Variants in PTPRN2 observed in about 807,000 individuals in gnomAD.
PTPRN2 encodes protein tyrosine phosphatase receptor type N2.
In PTPRN2, 74 loss-of-function variants were observed where a neutral mutation model predicts 118.8. The observed-to-expected ratio is 0.62, with a 90% CI of 0.52 to 0.76. PTPRN2 has a LOEUF of 0.76. Among genes scored for constraint, PTPRN2 ranks in the 30% least tolerant of loss-of-function variants. PTPRN2 has a pLI of 0.00. For synonymous variants in PTPRN2, 641 were observed against 608.0 expected (o/e 1.05, Z -0.80); for missense variants, 1,481 against 1,394.4 (o/e 1.06, Z -0.99).
At chr7:158,300,107 C>T (rs1800779031) in intron 3 of PTPRN2, among the ~76,000 whole-genome samples, 1 of 152,124 alleles carries the variant, frequency 6.6e-6, no homozygotes, top group African/African-American at 2.4e-5. Context: ...CAATTTATGT[C>T]ACTTTGAACC....
rs1814418521 is a variant in PTPRN2, at chr7:158,093,940, T to C, written c.1644-12563A>G. 6.6e-6 allele frequency among the ~76,000 whole-genome samples: 1 copy of C among 152,246 alleles called. No homozygotes were observed. Among genetic ancestry groups the C allele is most frequent in the Non-Finnish European group, 1.5e-5 (1 of 68,048 alleles). Reference sequence around the variant, plus strand: ...ACATAATTATTAATGATGCTTTATTTTCTTAAAGCATTGAGCAACTGCATC... The same window carrying C: ...ACATAATTATTAATGATGCTTTATTCTCTTAAAGCATTGAGCAACTGCATC... On this transcript the variant is annotated intron_variant, in intron 10 of 22. Coordinates refer to ENST00000389418, the MANE Select transcript of PTPRN2 (RefSeq NM_002847.5). This position sits in a 1 kb window ranked among gnomAD's most constrained non-coding sequence, Gnocchi z 4.4.
At chr7:157,967,234 TAGG>T (rs1225652501) in intron 11 of PTPRN2, among the ~76,000 whole-genome samples, 1 of 152,110 alleles carries the variant, frequency 6.6e-6, no homozygotes, top group East Asian at 1.9e-4. Flanking sequence ...CCCTTAAGCC[TAGG>T]AGGTCGAGGC....
At chr7:158,144,380 G>A (rs552011647) in intron 6 of PTPRN2, among the ~76,000 whole-genome samples, 13 of 152,174 alleles carry the variant, frequency 8.5e-5, no homozygotes, top group Non-Finnish European at 1.8e-4. Flanking sequence ...GCTCACACCC[G>A]TAATCCCAGC....
At chr7:158,241,199 T>A (rs548029690) in intron 3 of PTPRN2, among the ~76,000 whole-genome samples, 1 of 152,328 alleles carries the variant, frequency 6.6e-6, no homozygotes, top group East Asian at 1.9e-4. Context: ...CATAACATAT[T>A]TGCTGACGGA....
intron 11 of PTPRN2, among the ~76,000 whole-genome samples, chr7:158,001,943 G>A (rs550652598): frequency 1.1e-4 from 17 of 152,208 alleles, no homozygotes; most frequent in Non-Finnish European, 2.2e-4. Flanking sequence ...TCCTCCAGCC[G>A]GAAGCTGGCC....
chr7:157,935,788 A>AG (rs1300819839), intron 11 of PTPRN2, among the ~76,000 whole-genome samples: 9 of 150,986 alleles, frequency 6.0e-5, no homozygotes, highest in Admixed American at 3.9e-4. Context: ...TCACTCCCTC[A>AG]GGGGGGTCTA....
At chr7:158,012,565 T>A (rs1806128919) in intron 11 of PTPRN2, among the ~76,000 whole-genome samples, 1 of 152,236 alleles carries the variant, frequency 6.6e-6, no homozygotes, top group East Asian at 1.9e-4. Context: ...CTGCCTCTGC[T>A]GGCACCAGCT....
chr7:158,115,083 C>A (rs1248039877), intron 9 of PTPRN2, among the ~76,000 whole-genome samples: 1 of 152,204 alleles, frequency 6.6e-6, no homozygotes, highest in Non-Finnish European at 1.5e-5. Flanking sequence ...GCCAAGATCA[C>A]TGGAGTCCAG....
At chr7:157,558,519 G>A (rs565108565) in intron 21 of PTPRN2, among the ~76,000 whole-genome samples, 9 of 152,364 alleles carry the variant, frequency 5.9e-5, no homozygotes, top group Admixed American at 3.3e-4. Flanking sequence ...ACACCAAATT[G>A]TGAATATTGA....
chr7:157,686,041 G>A (rs1171412151), intron 12 of PTPRN2, among the ~76,000 whole-genome samples: 3 of 152,228 alleles, frequency 2.0e-5, no homozygotes, highest in East Asian at 1.9e-4. Context: ...GGACAGCCGG[G>A]GAGTCGTGAC....
intron 2 of PTPRN2, among the ~76,000 whole-genome samples, chr7:158,431,408 GCT>G (rs1816168603): frequency 6.9e-6 from 1 of 143,958 alleles, no homozygotes; most frequent in African/African-American, 2.6e-5. Flanking sequence ...GCACACAATG[GCT>G]CACACTGGGC....
chr7:157,780,383 GGT>G lies in PTPRN2; in HGVS notation c.1789-97448_1789-97447del, dbSNP rs1387269519. Among the ~76,000 whole-genome samples, 1 of 152,204 alleles carries G rather than the reference GGT, an allele frequency of 6.6e-6. No individual in the cohort carries two copies. The highest frequency in any genetic ancestry group is 1.5e-5 in the Non-Finnish European group (1 of 68,044). On this transcript the variant is annotated intron_variant, in intron 12 of 22. Coordinates refer to ENST00000389418, the MANE Select transcript of PTPRN2 (RefSeq NM_002847.5). The surrounding 1 kb of genome is among the most constrained non-coding windows in gnomAD (Gnocchi z 4.5). Reference sequence around the variant, plus strand: ...GCCATATCTGTCAGTTTATATAAGGGGTGGCGGCTGCTCAGCGAGGCCTCAGG... The same window carrying G: ...GCCATATCTGTCAGTTTATATAAGGGGGCGGCTGCTCAGCGAGGCCTCAGG...
Position 157,831,271 on chromosome 7 carries a change from C to T in PTPRN2, c.1788+67402G>A, listed in dbSNP as rs993892719. 6.6e-6 allele frequency among the ~76,000 whole-genome samples: 1 copy of T among 152,186 alleles called. No homozygotes were observed. Among genetic ancestry groups the T allele is most frequent in the African/African-American group, 2.4e-5 (1 of 41,438 alleles). On this transcript the variant is annotated intron_variant, in intron 12 of 22. Coordinates refer to ENST00000389418, the MANE Select transcript of PTPRN2 (RefSeq NM_002847.5). This position sits in a 1 kb window ranked among gnomAD's most constrained non-coding sequence, Gnocchi z 4.8. ...AAGCCCCCATGGTGCAGGCCTGTCC[C>T]AGCGACCTGTAGCCTCATCCAGCAC...
chr7:158,315,119 C>G (rs56227508), intron 3 of PTPRN2, among the ~76,000 whole-genome samples: 7 of 30,918 alleles, frequency 2.3e-4, no homozygotes, highest in Admixed American at 5.3e-4. Flanking sequence ...AACCCGGGAC[C>G]CCCTGAAGGA....
chr7:158,135,063 A>T (rs1049910067), intron 8 of PTPRN2, among the ~76,000 whole-genome samples: 2 of 152,122 alleles, frequency 1.3e-5, no homozygotes, highest in African/African-American at 4.8e-5. Context: ...ATACCAGGCA[A>T]CCCACGGACA....
At chr7:158,115,074 C>A (rs1585486465) in intron 9 of PTPRN2, among the ~76,000 whole-genome samples, 1 of 152,138 alleles carries the variant, frequency 6.6e-6, no homozygotes, top group Admixed American at 6.5e-5. Flanking sequence ...GGCTGAGGAG[C>A]CAAGATCACT....
At chr7:158,173,115 C>G (rs1823863040) in intron 5 of PTPRN2, among the ~76,000 whole-genome samples, 1 of 151,562 alleles carries the variant, frequency 6.6e-6, no homozygotes, top group South Asian at 2.1e-4. Context: ...CCACCAACAC[C>G]ACCAGCGTCC....
At chr7:158,384,932 A>G (rs748402129) in intron 2 of PTPRN2, among the ~76,000 whole-genome samples, 1 of 152,010 alleles carries the variant, frequency 6.6e-6, no homozygotes, top group South Asian at 2.1e-4. Context: ...CCCTCACAGC[A>G]GTATTTGCTG....
intron 2 of PTPRN2, among the ~76,000 whole-genome samples, chr7:158,450,577 G>A (rs1818031076): frequency 6.6e-6 from 1 of 152,220 alleles, no homozygotes; most frequent in Non-Finnish European, 1.5e-5. Flanking sequence ...CTTGATGGAA[G>A]CTGTGCTCAC....
Sources: allele counts gnomAD v4.1 joint callset (sites outside exome capture counted in the v4.1 genomes callset), GRCh38; gene constraint gnomAD v4.1.1; non-coding constraint Gnocchi (gnomAD v3.1); transcripts MANE v1.5; gene names NCBI Gene and HGNC (gene_info 2026-07-23, HGNC 2026-07-21).